The following GPCPD1 variants were observed in gnomAD, a reference collection of about 807,000 sequenced individuals.
GPCPD1 encodes glycerophosphocholine phosphodiesterase 1.
Under a neutral mutation model 89.2 loss-of-function variants are expected in GPCPD1, and 29 were observed. That is an observed-to-expected ratio of 0.33 (90% CI 0.24 to 0.44). The LOEUF (loss-of-function observed/expected upper bound fraction) is 0.44. Ranked by LOEUF, GPCPD1 falls within the 20% of genes least tolerant of loss-of-function variation. The pLI is 1.00. For synonymous variants in GPCPD1, 258 were observed against 266.3 expected, an observed-to-expected ratio of 0.97 and a Z score of 0.30; for missense variants, 594 against 808.9, an observed-to-expected ratio of 0.73 and a Z score of 3.22.
At chr20:5,552,752 G>T (rs948532999) in intron 19 of GPCPD1, among the ~76,000 whole-genome samples, 15 of 152,296 alleles carry the variant, frequency 9.8e-5, no homozygotes, top group Admixed American at 5.9e-4. Flanking sequence ...AGGTAGGTAG[G>T]ATTTACTTGG....
At chr20:5,608,003 TTAAA>T (rs200075652) in intron 1 of GPCPD1, among the ~76,000 whole-genome samples, 1,820 of 152,298 alleles carry the variant, frequency 0.012, 18 homozygotes, top group Non-Finnish European at 0.018. Flanking sequence ...ATATACATGA[TTAAA>T]TAGTTTGTAT....
rs1056943871 is a variant in GPCPD1 at position 5,567,352 on chromosome 20, T to C, written c.1227+131A>G. ...AACCCTTCTCCCAAACAGAACAGAA[T>C]ACCAAAGCACATAGTCTACACATTA... On this transcript the variant is annotated intron_variant, in intron 13 of 19. Transcript: ENST00000379019. 3 of 1,125,588 alleles carry C rather than the reference T, an allele frequency of 2.7e-6. No homozygotes were observed. In the Admixed American group the frequency reaches 8.8e-5, roughly 33 times the overall value. 69.7% of individuals were successfully genotyped at this position (1,125,588 alleles called of 1,614,324 possible). A position where few individuals can be genotyped will look rare whatever the true frequency, so the allele number is the denominator to read the frequency against.
rs61319670 is a variant in GPCPD1 at position 5,580,674 on chromosome 20, C to T, written c.350-543G>A. On this transcript the variant is annotated intron_variant, in intron 6 of 19. Coordinates refer to ENST00000379019, the MANE Select transcript of GPCPD1 (RefSeq NM_019593.5). ...CCAGGAGGCAGAGCTTGCAGTGAGC[C>T]GAGATCGCACCACTGCACTCCAGCC... 4.1e-5 allele frequency among the ~76,000 whole-genome samples: 6 copies of T among 147,862 alleles called. 1 individual carries two copies. In the South Asian group the frequency reaches 8.6e-4, roughly 21 times the overall value.
Position 5,595,246 on chromosome 20 carries a change from T to C in GPCPD1, c.147-1835A>G, listed in dbSNP as rs140839966. Among the ~76,000 whole-genome samples, 1,185 of 152,252 alleles carry C rather than the reference T, an allele frequency of 7.8e-3. 15 individuals are homozygous for C. The highest frequency in any genetic ancestry group is 0.026 in the African/African-American group (1,094 of 41,546). ...AACCAACATGGAACATGTATATATA[T>C]GTAACAAACCTGCACGTTCTGCACA... is the stretch of plus-strand genomic sequence containing the variant. On this transcript the variant is annotated intron_variant, in intron 3 of 19. Coordinates refer to ENST00000379019, the MANE Select transcript of GPCPD1 (RefSeq NM_019593.5).
At chr20:5,606,810 C>T (rs537454772) in intron 1 of GPCPD1, among the ~76,000 whole-genome samples, 16 of 152,324 alleles carry the variant, frequency 1.1e-4, no homozygotes, top group Admixed American at 7.8e-4. Context: ...ATCACATTTA[C>T]ATCAATTATA....
intron 4 of GPCPD1, among the ~76,000 whole-genome samples, chr20:5,592,547 G>A (rs1482061471): frequency 1.3e-5 from 2 of 152,028 alleles, no homozygotes; most frequent in Non-Finnish European, 2.9e-5. Context: ...TTTTTCACAC[G>A]TAACAAAAAC....
At chr20:5,604,482 T>C (rs997422596) in intron 1 of GPCPD1, 42 bp from the exon 2 acceptor site, 24 of 875,492 alleles carry the variant, frequency 2.7e-5, no homozygotes, top group Non-Finnish European at 4.2e-5. Flanking sequence ...TAAAAATATA[T>C]GCCTTAGCTA....
intron 12 of GPCPD1, among the ~76,000 whole-genome samples, chr20:5,569,522 T>C (rs558151628): frequency 1.3e-5 from 2 of 151,834 alleles, no homozygotes; most frequent in East Asian, 1.9e-4. Context: ...TTATGCCCTC[T>C]TCTCCATTCT....
chr20:5,564,691 G>A (rs1439864943), intron 15 of GPCPD1, among the ~76,000 whole-genome samples: 1 of 152,092 alleles, frequency 6.6e-6, no homozygotes. Flanking sequence ...AAAAAAATTA[G>A]CCAGGCATGG....
chr20:5,582,552 C>G (rs1165198365), intron 6 of GPCPD1, among the ~76,000 whole-genome samples: 2 of 152,112 alleles, frequency 1.3e-5, no homozygotes, highest in Non-Finnish European at 2.9e-5. Context: ...ACAATTCCGC[C>G]CACCCGCTTT....
At chr20:5,548,817 A>C (rs1985191067) in intron 19 of GPCPD1, 1 of 560,362 alleles carries the variant, frequency 1.8e-6, no homozygotes, top group Admixed American at 3.4e-5. Flanking sequence ...TAAAAGCAGG[A>C]GCAGATCGAT....
In GPCPD1 at chr20:5,574,197, A is replaced by G. The variant is rs531835095; in HGVS notation, c.1002-228T>C. The G allele has an allele frequency of 2.3e-3, 1,226 of 537,644 alleles. 3 individuals are homozygous for G. Among genetic ancestry groups the G allele is most frequent in the Non-Finnish European group, 3.5e-3 (1,058 of 301,650 alleles). 33.3% of individuals were successfully genotyped at this position (537,644 alleles called of 1,614,324 possible). A position where few individuals can be genotyped will look rare whatever the true frequency, so the allele number is the denominator to read the frequency against. On this transcript the variant is annotated intron_variant, in intron 10 of 19. Coordinates refer to ENST00000379019, the MANE Select transcript of GPCPD1 (RefSeq NM_019593.5). ...CAAGCTGAATACCGACATGGCCAAC[A>G]CAACATGCACTTGCCTTGTACCATG...
intron 6 of GPCPD1, among the ~76,000 whole-genome samples, chr20:5,582,315 A>G (rs1348897669): frequency 2.0e-5 from 3 of 151,906 alleles, no homozygotes; most frequent in African/African-American, 7.3e-5. Context: ...CTATTCAAGT[A>G]CTGTACACTG....
intron 4 of GPCPD1, among the ~76,000 whole-genome samples, chr20:5,591,313 C>A (rs1351141533): frequency 6.6e-6 from 1 of 152,132 alleles, no homozygotes; most frequent in African/African-American, 2.4e-5. Context: ...AAAAGCAGTG[C>A]ATGGAAGAAA....
chr20:5,608,504 A>T (rs1036911542), intron 1 of GPCPD1, among the ~76,000 whole-genome samples: 8 of 152,292 alleles, frequency 5.3e-5, no homozygotes, highest in African/African-American at 1.9e-4. Context: ...GCAGTGTTGT[A>T]GTATACAATT....
At chr20:5,555,242 T>G (rs1985689069) in intron 19 of GPCPD1, among the ~76,000 whole-genome samples, 1 of 152,204 alleles carries the variant, frequency 6.6e-6, no homozygotes, top group Admixed American at 6.5e-5. Flanking sequence ...AATTTAAAGA[T>G]GTACTTACTA....
Position 5,546,435 on chromosome 20 carries a change from A to T in GPCPD1, c.*1226T>A, listed in dbSNP as rs1483036447. 6.6e-6 allele frequency: 1 copy of T among 152,244 alleles called. No homozygotes were observed. The highest frequency in any genetic ancestry group is 1.5e-5 in the Non-Finnish European group (1 of 68,048). The allele number at this position is 152,244 out of a possible 1,614,324, so 9.4% of individuals were successfully genotyped here. ...TCATATTATAAAACCATTCTACAAA[A>T]GTAACACCTTCTTGAAATTTCATTT... is the stretch of plus-strand genomic sequence containing the variant. On this transcript the variant is annotated 3_prime_UTR_variant, in exon 20 of 20. Transcript: ENST00000379019.
At chr20:5,564,440 C>G (rs182137061) in intron 15 of GPCPD1, among the ~76,000 whole-genome samples, 1 of 152,016 alleles carries the variant, frequency 6.6e-6, no homozygotes, top group East Asian at 1.9e-4. Flanking sequence ...GCTACTCTTA[C>G]CAAATTACCA....
chr20:5,583,055 A>G (rs1288565949), intron 6 of GPCPD1, among the ~76,000 whole-genome samples: 4 of 151,320 alleles, frequency 2.6e-5, no homozygotes, highest in Admixed American at 6.6e-5. Flanking sequence ...ACCAACATGG[A>G]GAAACCCCGT....
Sources: allele counts gnomAD v4.1 joint callset (sites outside exome capture counted in the v4.1 genomes callset), GRCh38; gene constraint gnomAD v4.1.1; transcripts MANE v1.5; gene names NCBI Gene and HGNC (gene_info 2026-07-23, HGNC 2026-07-21).